CHRM3: variants seen among roughly 807,000 people sequenced by gnomAD.
The protein encoded by CHRM3 is muscarinic acetylcholine receptor M3.
In CHRM3, 11 loss-of-function variants were observed where a neutral mutation model predicts 41.8. That is an observed-to-expected ratio of 0.26 (90% CI 0.17 to 0.44). The LOEUF is 0.44. Among genes scored for constraint, CHRM3 ranks in the 20% least tolerant of loss-of-function variants. The probability of loss-of-function intolerance (pLI) is 1.00; values close to 1 mark genes in which losing one functional copy is unlikely to be tolerated. For missense variants in CHRM3, 571 were observed against 745.4 expected, an observed-to-expected ratio of 0.77 and a Z score of 2.72; for synonymous variants, 297 against 301.4, an observed-to-expected ratio of 0.99 and a Z score of 0.15.
At chr1:239,502,712 A>G (rs982806003) in intron 2 of CHRM3, among the ~76,000 whole-genome samples, 6 of 152,230 alleles carry the variant, frequency 3.9e-5, no homozygotes, top group Non-Finnish European at 5.9e-5. Context: ...CAAATCCAAT[A>G]GCATATCTAA....
At chr1:239,708,215 C>T (rs980439354) in intron 5 of CHRM3, among the ~76,000 whole-genome samples, 2 of 152,192 alleles carry the variant, frequency 1.3e-5, no homozygotes, top group Admixed American at 1.3e-4. Flanking sequence ...AGGCCAAAAC[C>T]TTGGAGCCAT....
intron 5 of CHRM3, among the ~76,000 whole-genome samples, chr1:239,801,123 T>C (rs1326127966): frequency 6.6e-6 from 1 of 152,230 alleles, no homozygotes; most frequent in African/African-American, 2.4e-5. Flanking sequence ...GGACTGTTAC[T>C]ATAAGCCAGG....
At chr1:239,452,116 T>C (rs1225178671) in intron 1 of CHRM3, among the ~76,000 whole-genome samples, 1 of 152,194 alleles carries the variant, frequency 6.6e-6, no homozygotes, top group Non-Finnish European at 1.5e-5. Context: ...AAGTACTTTA[T>C]ATATCAACCT....
intron 5 of CHRM3, among the ~76,000 whole-genome samples, chr1:239,744,587 G>A (rs965572181): frequency 7.9e-5 from 12 of 152,138 alleles, no homozygotes; most frequent in East Asian, 1.9e-4. Flanking sequence ...CAGGTCAGCC[G>A]GGCAGGGCAG....
At chr1:239,837,836 T>C (rs1189822352) in intron 6 of CHRM3, among the ~76,000 whole-genome samples, 1 of 152,188 alleles carries the variant, frequency 6.6e-6, no homozygotes, top group African/African-American at 2.4e-5. Context: ...TCTTTACCCA[T>C]TCATTGAGTT....
Position 239,492,212 on chromosome 1 carries a change from C to G in CHRM3, c.-520-497C>G, listed in dbSNP as rs1049453926. Among the ~76,000 whole-genome samples the G allele has an allele frequency of 2.0e-5, 3 of 152,182 alleles. No homozygotes were observed. In the South Asian group the frequency reaches 6.2e-4, roughly 32 times the overall value. On this transcript the variant is annotated intron_variant, in intron 1 of 6. Coordinates refer to ENST00000676153, the MANE Select transcript of CHRM3 (RefSeq NM_001375978.1). ...TTACTTCCAAAAAGTCAGCAGATAC[C>G]TACCTACCTACCTACCTAGAGAGCT...
intron 4 of CHRM3, among the ~76,000 whole-genome samples, chr1:239,659,207 G>A (rs368399295): frequency 6.6e-6 from 1 of 151,996 alleles, no homozygotes; most frequent in Non-Finnish European, 1.5e-5. Context: ...GTGTCTCTGG[G>A]GAGAAAGAAA....
intron 1 of CHRM3, among the ~76,000 whole-genome samples, chr1:239,483,352 A>G (rs534747500): frequency 1.1e-4 from 17 of 152,308 alleles, no homozygotes; most frequent in African/African-American, 3.8e-4. Context: ...CTTCTGTAAA[A>G]TTAGCTAATC....
At chr1:239,438,724 T>A (rs1663467345) in intron 1 of CHRM3, among the ~76,000 whole-genome samples, 1 of 152,174 alleles carries the variant, frequency 6.6e-6, no homozygotes, top group Admixed American at 6.6e-5. Flanking sequence ...AAGGTGTGAA[T>A]CCCTTGTAAA....
chr1:239,890,436 C>G (rs1678457194), intron 6 of CHRM3, among the ~76,000 whole-genome samples: 1 of 152,060 alleles, frequency 6.6e-6, no homozygotes, highest in Non-Finnish European at 1.5e-5. Context: ...CTTAACTAGT[C>G]AAATGTTCCT....
intron 2 of CHRM3, among the ~76,000 whole-genome samples, chr1:239,519,343 A>G (rs546852575): frequency 3.3e-5 from 5 of 152,344 alleles, no homozygotes; most frequent in African/African-American, 4.8e-5. Flanking sequence ...CTAAGATTAC[A>G]TATTGTAGTT....
At chr1:239,409,128 AT>A (rs1179167281) in intron 1 of CHRM3, among the ~76,000 whole-genome samples, 1 of 151,754 alleles carries the variant, frequency 6.6e-6, no homozygotes, top group Non-Finnish European at 1.5e-5. Context: ...ATTTTCTTTT[AT>A]TTTTTCATTC....
At chr1:239,390,683 C>T (rs7511888) in intron 1 of CHRM3, among the ~76,000 whole-genome samples, 2,972 of 151,620 alleles carry the variant, frequency 0.02, 101 homozygotes, top group African/African-American at 0.069. Context: ...ACTGCAACCT[C>T]CGCCTCCCAG....
At position 239,856,483 on chromosome 1, in the gene CHRM3, G is replaced by A. The variant is rs531819171; in HGVS notation, c.-20+29105G>A. 3.3e-5 allele frequency among the ~76,000 whole-genome samples: 5 copies of A among 152,056 alleles called. No homozygotes were observed. The East Asian group carries it at 5.8e-4, about 18-fold the overall frequency. Reference sequence around the variant, plus strand: ...GTGAATATGTGTTTGCTTCCCTTTCGTCTTTCTCCATGATTTTAAGTTTCC... The same window carrying A: ...GTGAATATGTGTTTGCTTCCCTTTCATCTTTCTCCATGATTTTAAGTTTCC... On this transcript the variant is annotated intron_variant, in intron 6 of 6. Transcript: ENST00000676153.
At chr1:239,897,638 T>A (rs185211200) in intron 6 of CHRM3, among the ~76,000 whole-genome samples, 32 of 152,342 alleles carry the variant, frequency 2.1e-4, no homozygotes, top group African/African-American at 7.5e-4. Context: ...TCTTTCCCTG[T>A]TTCTCTCAGA....
chr1:239,404,141 T>G (rs564189798), intron 1 of CHRM3, among the ~76,000 whole-genome samples: 1 of 150,098 alleles, frequency 6.7e-6, no homozygotes, highest in Non-Finnish European at 1.5e-5. Flanking sequence ...ACAAAAAAAT[T>G]AGCCAGGCGT....
At chr1:239,569,474 C>T (rs1217193989) in intron 3 of CHRM3, among the ~76,000 whole-genome samples, 2 of 151,984 alleles carry the variant, frequency 1.3e-5, no homozygotes, top group Non-Finnish European at 2.9e-5. Context: ...TTAAATACTG[C>T]GATAACACAA....
chr1:239,395,875 A>G (rs1000710375), intron 1 of CHRM3, among the ~76,000 whole-genome samples: 1 of 152,192 alleles, frequency 6.6e-6, no homozygotes, highest in African/African-American at 2.4e-5. Flanking sequence ...CTACCCTTGA[A>G]CACCTTCTTT....
At chr1:239,703,271 T>G (rs555155797) in intron 5 of CHRM3, 1 of 152,342 alleles carries the variant, frequency 6.6e-6, no homozygotes, top group East Asian at 1.9e-4. Flanking sequence ...GCTGAATGAT[T>G]CAGCTTTCAC....
Sources: gnomAD v4.1 joint callset for allele counts (sites outside exome capture counted in the v4.1 genomes callset) on GRCh38, gnomAD v4.1.1 for gene constraint, MANE v1.5 for transcripts, NCBI Gene and HGNC (gene_info 2026-07-23, HGNC 2026-07-21) for gene names.